The following MAPKAPK5 variants were observed in gnomAD, a reference collection of about 807,000 sequenced individuals.
MAPKAPK5 encodes MAPK activated protein kinase 5, also known as MAP kinase-activated protein kinase 5.
Under a neutral mutation model 65.1 loss-of-function variants are expected in MAPKAPK5, and 30 were observed. That is an observed-to-expected ratio of 0.46 (90% CI 0.34 to 0.63). The LOEUF is 0.63. MAPKAPK5 is among the 20% of genes least tolerant of loss of function. MAPKAPK5 has a pLI of 0.01. For synonymous variants in MAPKAPK5, 179 were observed against 204.6 expected, an observed-to-expected ratio of 0.87 and a Z score of 1.07; for missense variants, 433 against 581.4, an observed-to-expected ratio of 0.74 and a Z score of 2.63.
In MAPKAPK5 at chr12:111,893,250, A is replaced by G. The variant is rs934253857; in HGVS notation, c.*189A>G. On this transcript the variant is annotated 3_prime_UTR_variant, in exon 14 of 14. Transcript: ENST00000550735. The stretch of plus-strand genomic sequence containing the variant: ...TTTTAAGAAAAGCTCAGTTCTAGAG[A>G]CATACTATTACTTTAGGACTGTGTA... 2 of 366,160 alleles carry G rather than the reference A, an allele frequency of 5.5e-6. No individual in the cohort carries two copies. The highest frequency in any genetic ancestry group is 4.2e-5 in the African/African-American group (2 of 48,046). The allele number at this position is 366,160 out of a possible 1,614,324, so 22.7% of individuals were successfully genotyped here.
intron 9 of MAPKAPK5, among the ~76,000 whole-genome samples, chr12:111,885,212 C>T (rs12315146): frequency 0.097 from 14,750 of 152,148 alleles, 827 homozygotes; most frequent in Middle Eastern, 0.18. Flanking sequence ...GCTGAAGGAG[C>T]AGTTAGGCAT....
At chr12:111,866,009 C>A (rs952607940) in intron 2 of MAPKAPK5, 147 bp from the exon 3 acceptor site, 3 of 613,776 alleles carry the variant, frequency 4.9e-6, no homozygotes, top group Non-Finnish European at 5.6e-6. Flanking sequence ...TTCTTTCCCC[C>A]ACCTGCTACC....
In MAPKAPK5 at chr12:111,900,930, T is replaced by TA. The variant is rs3832867; in HGVS notation, c.*7870dup. On this transcript the variant is annotated 3_prime_UTR_variant, in exon 14 of 14. Coordinates refer to ENST00000550735, the MANE Select transcript of MAPKAPK5 (RefSeq NM_003668.4). ...TGCAAAATCAGCCTCACAAGAGTGTTACAATTCAATGAACAGCAAAGGGGA... is the reference window on the plus strand; with the variant it reads ...TGCAAAATCAGCCTCACAAGAGTGTTAACAATTCAATGAACAGCAAAGGGGA... 83,098 of 455,870 alleles carry TA rather than the reference T, an allele frequency of 0.18. 8,114 individuals carry two copies. The highest frequency in any genetic ancestry group is 0.3 in the Middle Eastern group (917 of 3,070). The allele number at this position is 455,870 out of a possible 1,614,324, so 28.2% of individuals were successfully genotyped here. A position where few individuals can be genotyped will look rare whatever the true frequency, so the allele number is the denominator to read the frequency against.
Position 111,883,518 on chromosome 12 carries a change from A to T in MAPKAPK5, c.661-63A>T. On this transcript the variant is annotated intron_variant, in intron 8 of 13. Coordinates refer to ENST00000550735, the MANE Select transcript of MAPKAPK5 (RefSeq NM_003668.4). The surrounding 1 kb of genome is among the most constrained non-coding windows in gnomAD (Gnocchi z 4.8). ...TGCAGGGGCTATTCCTGAGCCTGTC[A>T]TGGGGTGTTTATTTGGGGGCTCTGC... 6.9e-7 allele frequency: 1 copy of T among 1,444,610 alleles called. No homozygotes were observed. The highest frequency in any genetic ancestry group is 2.2e-4 in the Middle Eastern group (1 of 4,620). The allele number at this position is 1,444,610 out of a possible 1,614,324, so 89.5% of individuals were successfully genotyped here. A position where few individuals can be genotyped will look rare whatever the true frequency, so the allele number is the denominator to read the frequency against.
chr12:111,883,683 C>T lies in MAPKAPK5; in HGVS notation c.763C>T (p.Arg255Ter), dbSNP rs1008088417. 2 of 1,613,920 alleles carry T rather than the reference C, an allele frequency of 1.2e-6. No homozygotes were observed. The highest frequency in any genetic ancestry group is 2.2e-5 in the East Asian group (1 of 44,874). ...HHSRTIPKDM[R>*]RKIMTGSFEF... ...CAGCCGGACTATCCCAAAGGATATG[C>T]GAAGAAAGATCATGACAGGCAGTTT... The change falls in exon 9 of 14, where the codon CGA becomes TGA. Residue 255 changes from arginine (R) to a stop codon, truncating the protein, a stop_gained. Coordinates refer to ENST00000550735, the MANE Select transcript of MAPKAPK5 (RefSeq NM_003668.4). LOFTEE classifies it high-confidence loss of function. The surrounding 1 kb of genome is among the most constrained non-coding windows in gnomAD (Gnocchi z 4.8).
intron 1 of MAPKAPK5, among the ~76,000 whole-genome samples, chr12:111,860,421 A>T (rs1796517527): frequency 6.6e-6 from 1 of 152,106 alleles, no homozygotes; most frequent in Admixed American, 6.5e-5. Flanking sequence ...CTGTTTCAGG[A>T]TTTTCCCATT....
chr12:111,853,034 A>G (rs1254299986), intron 1 of MAPKAPK5, among the ~76,000 whole-genome samples: 2 of 152,116 alleles, frequency 1.3e-5, no homozygotes, highest in Admixed American at 6.5e-5. Context: ...TTGGCCTCCC[A>G]AAGTGTTGGG....
intron 1 of MAPKAPK5, among the ~76,000 whole-genome samples, chr12:111,858,505 A>C (rs902215863): frequency 6.8e-6 from 1 of 147,396 alleles, no homozygotes; most frequent in African/African-American, 2.5e-5. Flanking sequence ...CATGTTCACT[A>C]ATTATTCTGT....
rs1211238813 is a variant in MAPKAPK5, at chr12:111,897,807, A to T, written c.*4746A>T. 2.0e-5 allele frequency: 3 copies of T among 152,126 alleles called. No individual in the cohort carries two copies. The highest frequency in any genetic ancestry group is 7.2e-5 in the African/African-American group (3 of 41,426). 9.4% of individuals were successfully genotyped at this position (152,126 alleles called of 1,614,324 possible). A position where few individuals can be genotyped will look rare whatever the true frequency, so the allele number is the denominator to read the frequency against. On this transcript the variant is annotated 3_prime_UTR_variant, in exon 14 of 14. Transcript: ENST00000550735. ...CTCTCATGCTGTTATCTAAGATCTT[A>T]TGCTACCATTACATTCCTTTCTGTA...
chr12:111,846,846 T>C (rs577518466), intron 1 of MAPKAPK5, among the ~76,000 whole-genome samples: 1 of 152,284 alleles, frequency 6.6e-6, no homozygotes, highest in South Asian at 2.1e-4. Context: ...ATGAAATCTC[T>C]TGCCATATTG....
At chr12:111,892,825 C>CT in intron 13 of MAPKAPK5, 142 bp from the exon 14 acceptor site, 1 of 490,554 alleles carries the variant, frequency 2.0e-6, no homozygotes, top group Non-Finnish European at 3.6e-6. Flanking sequence ...ATCTGAACTG[C>CT]TTTTGATCAG....
Position 111,897,921 on chromosome 12 carries a change from TC to T in MAPKAPK5, c.*4861del, listed in dbSNP as rs2070875871. On this transcript the variant is annotated 3_prime_UTR_variant, in exon 14 of 14. Coordinates refer to ENST00000550735, the MANE Select transcript of MAPKAPK5 (RefSeq NM_003668.4). ...GATAAAAAATGTAGAGTTTTATTTTTCTTCATCTAGAATGCACAGAATAACT... is the reference window on the plus strand; with the variant it reads ...GATAAAAAATGTAGAGTTTTATTTTTTTCATCTAGAATGCACAGAATAACT... The T allele has an allele frequency of 6.6e-6, 1 of 151,508 alleles. No individual in the cohort carries two copies. The highest frequency in any genetic ancestry group is 1.5e-5 in the Non-Finnish European group (1 of 67,976). The allele number at this position is 151,508 out of a possible 1,614,324, so 9.4% of individuals were successfully genotyped here. A position where few individuals can be genotyped will look rare whatever the true frequency, so the allele number is the denominator to read the frequency against.
chr12:111,893,079 G>GT lies in MAPKAPK5; in HGVS notation c.*25dup. On this transcript the variant is annotated 3_prime_UTR_variant, in exon 14 of 14. Transcript: ENST00000550735. Reference sequence around the variant, plus strand: ...CCCAATAATGACAGCTTCAGACTTTGTTTTTTTAACAATTTGAAAAATTAT... The same window carrying GT: ...CCCAATAATGACAGCTTCAGACTTTGTTTTTTTTAACAATTTGAAAAATTAT... The GT allele has an allele frequency of 3.3e-6, 5 of 1,514,118 alleles. No individual in the cohort carries two copies. The highest frequency in any genetic ancestry group is 4.4e-6 in the Non-Finnish European group (5 of 1,128,102). The allele number at this position is 1,514,118 out of a possible 1,614,324, so 93.8% of individuals were successfully genotyped here. A position where few individuals can be genotyped will look rare whatever the true frequency, so the allele number is the denominator to read the frequency against.
chr12:111,878,663 C>T (rs927117659), intron 7 of MAPKAPK5, among the ~76,000 whole-genome samples: 3 of 152,118 alleles, frequency 2.0e-5, no homozygotes, highest in Admixed American at 6.6e-5. Context: ...TCGTGATCCT[C>T]CTGCCTCGGC....
intron 5 of MAPKAPK5, 75 bp downstream of exon 5, chr12:111,868,936 A>G: frequency 9.0e-7 from 1 of 1,115,790 alleles, no homozygotes; most frequent in South Asian, 1.4e-5. Flanking sequence ...GGGGGAAGAA[A>G]AGAAAACTTA....
chr12:111,887,399 T>C (rs2070438684), intron 10 of MAPKAPK5, among the ~76,000 whole-genome samples: 1 of 152,142 alleles, frequency 6.6e-6, no homozygotes. Flanking sequence ...AGGCCAGGCA[T>C]GGTGGCTTAC....
chr12:111,849,775 G>A (rs1343890596), intron 1 of MAPKAPK5, among the ~76,000 whole-genome samples: 2 of 152,042 alleles, frequency 1.3e-5, no homozygotes, highest in African/African-American at 4.8e-5. Context: ...GGAGTGTAGT[G>A]ATGCGATCAC....
chr12:111,843,791 AT>A (rs2068813185), intron 1 of MAPKAPK5, among the ~76,000 whole-genome samples: 2 of 152,312 alleles, frequency 1.3e-5, no homozygotes, highest in Admixed American at 1.3e-4. Context: ...TAACATATAC[AT>A]TAAGGAAGAC....
chr12:111,888,698 T>G (rs1344992262), intron 11 of MAPKAPK5, 80 bp downstream of exon 11: 9 of 1,578,264 alleles, frequency 5.7e-6, no homozygotes, highest in Non-Finnish European at 7.7e-6. Flanking sequence ...GAAATTTAAC[T>G]TGCTCAGCTA....
Sources: gnomAD v4.1 joint callset for allele counts (sites outside exome capture counted in the v4.1 genomes callset) on GRCh38, gnomAD v4.1.1 for gene constraint, Gnocchi (gnomAD v3.1) non-coding constraint, MANE v1.5 for transcripts, NCBI Gene and HGNC (gene_info 2026-07-23, HGNC 2026-07-21) for gene names.